GSG1L: variants seen among roughly 807,000 people sequenced by gnomAD.
GSG1L encodes the protein GSG1 like.
GSG1L carries 24 observed loss-of-function variants against 42.1 expected under a neutral mutation model. The ratio of observed to expected loss-of-function variants is 0.57; its 90% CI spans 0.41 to 0.80. The LOEUF is 0.80. Ranked by LOEUF, GSG1L falls within the 30% of genes least tolerant of loss-of-function variation. The pLI, the probability that GSG1L is intolerant of heterozygous loss-of-function variation, is 0.00. For missense variants in GSG1L, 445 were observed against 472.2 expected (o/e 0.94, Z 0.53); for synonymous variants, 215 against 203.5 (o/e 1.06, Z -0.48).
chr16:27,962,838 T>C (rs780615355), intron 2 of GSG1L, among the ~76,000 whole-genome samples: 12 of 152,058 alleles, frequency 7.9e-5, no homozygotes, highest in Non-Finnish European at 1.2e-4. Flanking sequence ...CCAACACCAG[T>C]CTTGCCTGAA....
chr16:28,055,722 G>A (rs968738427), intron 1 of GSG1L, among the ~76,000 whole-genome samples: 6 of 151,986 alleles, frequency 3.9e-5, no homozygotes, highest in Non-Finnish European at 5.9e-5. Context: ...CGCCCACCTC[G>A]GCCTCCCAAA....
chr16:27,890,701 A>G lies in GSG1L; in HGVS notation c.398-6063T>C, dbSNP rs185363280. 1.4e-3 allele frequency among the ~76,000 whole-genome samples: 214 copies of G among 152,318 alleles called. 3 individuals are homozygous for G. Among genetic ancestry groups the G allele is most frequent in the Non-Finnish European group, 2.5e-4 (17 of 68,022 alleles). On this transcript the variant is annotated intron_variant, in intron 2 of 6. Transcript: ENST00000447459. ...ACAGTGCTAAAGCAGGAGGACAATG[A>G]CATGCAGAGCCTACATGAGCCGTGG...
intron 3 of GSG1L, among the ~76,000 whole-genome samples, chr16:27,858,639 G>T (rs904853411): frequency 1.3e-5 from 2 of 152,092 alleles, no homozygotes; most frequent in African/African-American, 4.8e-5. Flanking sequence ...AGGAAGATGG[G>T]AAAAAACACA....
intron 3 of GSG1L, chr16:27,850,659 T>C (rs2083501165): frequency 1.1e-5 from 5 of 447,976 alleles, no homozygotes; most frequent in Non-Finnish European, 2.2e-5. Context: ...GGGTAAATGA[T>C]AGAGAAAGCT....
At chr16:27,968,498 G>A (rs1335059045) in intron 1 of GSG1L, among the ~76,000 whole-genome samples, 1 of 152,080 alleles carries the variant, frequency 6.6e-6, no homozygotes, top group African/African-American at 2.4e-5. Flanking sequence ...CAATTCTCCT[G>A]CATCAACCTC....
At chr16:27,803,581 G>A (rs1490696788) in intron 6 of GSG1L, among the ~76,000 whole-genome samples, 1 of 151,880 alleles carries the variant, frequency 6.6e-6, no homozygotes, top group South Asian at 2.1e-4. Flanking sequence ...GACACTCTAG[G>A]AATTCTACCA....
intron 1 of GSG1L, among the ~76,000 whole-genome samples, chr16:28,038,388 T>C (rs1317326060): frequency 6.6e-6 from 1 of 152,194 alleles, no homozygotes; most frequent in Non-Finnish European, 1.5e-5. Flanking sequence ...AGGATCATGC[T>C]CAGGAAGCGG....
chr16:27,885,982 C>G (rs542106538), intron 2 of GSG1L, among the ~76,000 whole-genome samples: 7 of 152,154 alleles, frequency 4.6e-5, no homozygotes, highest in African/African-American at 7.2e-5. Context: ...TGCTTTTTGC[C>G]GGGAGAGACT....
At chr16:27,950,409 A>G (rs1418679348) in intron 2 of GSG1L, among the ~76,000 whole-genome samples, 1 of 152,186 alleles carries the variant, frequency 6.6e-6, no homozygotes, top group Non-Finnish European at 1.5e-5. Context: ...CAATTATTAG[A>G]TGTTGTGATC....
At position 27,824,040 on chromosome 16, in the gene GSG1L, C is replaced by T. The variant is rs113967997; in HGVS notation, c.830+4749G>A. ...CCACAGATAATAACGAGATTATCAG[C>T]CATGCTTCGAAATACCCTCGCCATC... On this transcript the variant is annotated intron_variant, in intron 5 of 6. Coordinates refer to ENST00000447459, the MANE Select transcript of GSG1L (RefSeq NM_001109763.2). The T allele has an allele frequency of 6.7e-4, 440 of 658,158 alleles. 6 individuals carry two copies. The highest frequency in any genetic ancestry group is 6.7e-3 in the African/African-American group (378 of 56,766). The allele number at this position is 658,158 out of a possible 1,614,324, so 40.8% of individuals were successfully genotyped here.
In GSG1L at chr16:28,055,988, G is replaced by GA. The variant is rs548294639; in HGVS notation, c.349+7087_349+7088insT. Among the ~76,000 whole-genome samples, 308 of 152,228 alleles carry GA rather than the reference G, an allele frequency of 2.0e-3. 2 individuals are homozygous for GA. Among genetic ancestry groups the GA allele is most frequent in the African/African-American group, 7.1e-3 (293 of 41,502 alleles). ...CTCTCCTTGGAAATAAACCAAGAGAGGGAGCAGGGAAGAAAGAAGAACATC... is the reference window on the plus strand; with the variant it reads ...CTCTCCTTGGAAATAAACCAAGAGAGAGGAGCAGGGAAGAAAGAAGAACATC... On this transcript the variant is annotated intron_variant, in intron 1 of 6. Transcript: ENST00000447459.
chr16:27,840,839 G>A (rs896295802), intron 4 of GSG1L, among the ~76,000 whole-genome samples: 2 of 151,918 alleles, frequency 1.3e-5, no homozygotes, highest in African/African-American at 4.8e-5. Flanking sequence ...CCCTCCGGCC[G>A]CCAGCCACCG....
chr16:27,895,555 C>T (rs1236130646), intron 2 of GSG1L, among the ~76,000 whole-genome samples: 1 of 152,194 alleles, frequency 6.6e-6, no homozygotes, highest in Non-Finnish European at 1.5e-5. Context: ...ACAAACACCA[C>T]ACAATCCCAT....
At chr16:27,813,230 C>G (rs1164603959) in intron 5 of GSG1L, among the ~76,000 whole-genome samples, 3 of 151,960 alleles carry the variant, frequency 2.0e-5, no homozygotes, top group Non-Finnish European at 4.4e-5. Context: ...CTTTTTGGTC[C>G]CCTCCCTCTT....
At chr16:27,864,459 C>T (rs912392671) in intron 3 of GSG1L, among the ~76,000 whole-genome samples, 2 of 152,162 alleles carry the variant, frequency 1.3e-5, no homozygotes, top group Non-Finnish European at 2.9e-5. Context: ...CCCTTCACTG[C>T]CTCTCTCCTA....
chr16:27,820,836 G>A (rs1476479928), intron 5 of GSG1L, among the ~76,000 whole-genome samples: 3 of 152,136 alleles, frequency 2.0e-5, no homozygotes, highest in African/African-American at 7.2e-5. Flanking sequence ...CCCAGACACC[G>A]TGGGAGGAGA....
intron 1 of GSG1L, among the ~76,000 whole-genome samples, chr16:27,984,622 T>C (rs962011720): frequency 2.6e-5 from 4 of 152,176 alleles, no homozygotes; most frequent in Admixed American, 2.6e-4. Flanking sequence ...GTTATAATTT[T>C]TTTTCTAGAT....
intron 1 of GSG1L, among the ~76,000 whole-genome samples, chr16:27,981,331 T>G (rs1263340814): frequency 6.6e-6 from 1 of 152,144 alleles, no homozygotes; most frequent in Non-Finnish European, 1.5e-5. Flanking sequence ...TCAGTCCTGG[T>G]CCCCAGCAAA....
intron 3 of GSG1L, among the ~76,000 whole-genome samples, chr16:27,846,322 C>A (rs1413550852): frequency 6.6e-6 from 1 of 152,112 alleles, no homozygotes; most frequent in East Asian, 1.9e-4. Context: ...AGAAGCTGTT[C>A]CTGCTCAGAA....
Sources: allele counts gnomAD v4.1 joint callset (sites outside exome capture counted in the v4.1 genomes callset), GRCh38; gene constraint gnomAD v4.1.1; transcripts MANE v1.5; gene names NCBI Gene and HGNC (gene_info 2026-07-23, HGNC 2026-07-21).